Variants in CPA6 observed in about 807,000 individuals in gnomAD.
CPA6 encodes the protein carboxypeptidase A6.
In CPA6, 58 loss-of-function variants were observed where a neutral mutation model predicts 63.3. That is an observed-to-expected ratio of 0.92 (90% confidence interval 0.74 to 1.14). The LOEUF is 1.14. CPA6 is among the 50% of genes most tolerant of loss of function. CPA6 has a pLI of 0.00. For missense variants in CPA6, 565 were observed against 526.6 expected, an observed-to-expected ratio of 1.07 and a Z score of -0.71; for synonymous variants, 185 against 179.0, an observed-to-expected ratio of 1.03 and a Z score of -0.27.
chr8:67,688,067 G>A (rs1317219487), intron 1 of CPA6, among the ~76,000 whole-genome samples: 1 of 152,152 alleles, frequency 6.6e-6, no homozygotes, highest in Non-Finnish European at 1.5e-5. Flanking sequence ...AGCTACTTGA[G>A]AGCCTGAGGT....
At chr8:67,457,322 T>C (rs1810698494) in intron 8 of CPA6, among the ~76,000 whole-genome samples, 1 of 152,246 alleles carries the variant, frequency 6.6e-6, no homozygotes, top group Non-Finnish European at 1.5e-5. Context: ...AATTTATTAA[T>C]GTGATTCAGA....
At chr8:67,585,543 G>C (rs1813906915) in intron 2 of CPA6, among the ~76,000 whole-genome samples, 1 of 152,084 alleles carries the variant, frequency 6.6e-6, no homozygotes, top group Non-Finnish European at 1.5e-5. Flanking sequence ...ATAAGAAATT[G>C]AAGGCTTCTA....
chr8:67,669,033 G>T (rs1157123012), intron 1 of CPA6, among the ~76,000 whole-genome samples: 1 of 152,206 alleles, frequency 6.6e-6, no homozygotes, highest in Non-Finnish European at 1.5e-5. Flanking sequence ...TAGTCAGCTT[G>T]CATGTAGGAA....
chr8:67,682,502 C>A (rs1816619505), intron 1 of CPA6, among the ~76,000 whole-genome samples: 1 of 152,170 alleles, frequency 6.6e-6, no homozygotes, highest in African/African-American at 2.4e-5. Context: ...TCATTGGTGG[C>A]ATCTGTGAGA....
intron 8 of CPA6, among the ~76,000 whole-genome samples, chr8:67,480,532 T>C: frequency 6.6e-6 from 1 of 152,218 alleles, no homozygotes; most frequent in East Asian, 1.9e-4. Context: ...TAATATTCCA[T>C]TCTATAAATA....
At position 67,511,601 on chromosome 8, in the gene CPA6, G is replaced by A. The variant is rs1005535087; in HGVS notation, c.372C>T (p.Thr124=). 2 of 1,612,764 alleles carry A rather than the reference G, an allele frequency of 1.2e-6. No individual in the cohort carries two copies. Among genetic ancestry groups the A allele is most frequent in the Non-Finnish European group, 1.7e-6 (2 of 1,178,980 alleles). The change falls in exon 4 of 11, where the codon ACC becomes ACT. Residue 124 remains threonine (T), a synonymous_variant. Coordinates refer to ENST00000297770, the MANE Select transcript of CPA6 (RefSeq NM_020361.5). ...CAGAGAGGGATCTTCGGTTTCTCTGGGTGTGCAAGCTGCTTCCCTTCTCCA... is the reference window on the plus strand; with the variant it reads ...CAGAGAGGGATCTTCGGTTTCTCTGAGTGTGCAAGCTGCTTCCCTTCTCCA... ...KTLEKGSSLH[T]QRNRRSLSGY... is the part of the protein sequence containing the mutation.
At chr8:67,609,693 T>C (rs1814753893) in intron 2 of CPA6, among the ~76,000 whole-genome samples, 1 of 152,198 alleles carries the variant, frequency 6.6e-6, no homozygotes, top group Non-Finnish European at 1.5e-5. Context: ...AACAATTAGA[T>C]CTGTGATATG....
intron 3 of CPA6, among the ~76,000 whole-genome samples, 185 bp downstream of exon 3, chr8:67,517,738 G>A (rs985427459): frequency 1.1e-4 from 17 of 152,110 alleles, no homozygotes; most frequent in African/African-American, 3.1e-4. Context: ...GGTCCACATC[G>A]TTGCTCCCAT....
chr8:67,652,653 G>A (rs1196878485), intron 1 of CPA6, among the ~76,000 whole-genome samples: 2 of 149,816 alleles, frequency 1.3e-5, no homozygotes, highest in Non-Finnish European at 3.0e-5. Flanking sequence ...TTTGTCAGAT[G>A]AGTAGGTTGC....
At position 67,422,640 on chromosome 8, in the gene CPA6, T is replaced by A; in HGVS notation, c.1178A>T (p.Tyr393Phe). The A allele has an allele frequency of 6.2e-7, 1 of 1,614,010 alleles. No homozygotes were observed. Among genetic ancestry groups the A allele is most frequent in the South Asian group, 1.1e-5 (1 of 91,064 alleles). ...MDWAYKNGIP[Y>F]AFAFELRDTG... ...GTCACGTAGTTCGAAAGCAAATGCA[T>A]AAGGTATTCCATTTTTGTAGGCCCA... Residue 393 changes from tyrosine (Y) to phenylalanine (F), a missense_variant, in exon 11 of 11, where the codon TAT becomes TTT. Tyr to Phe is a conservative substitution (Grantham distance 22, BLOSUM62 3). Transcript: ENST00000297770.
chr8:67,429,307 T>C (rs1193328816), intron 9 of CPA6, among the ~76,000 whole-genome samples: 1 of 152,232 alleles, frequency 6.6e-6, no homozygotes, highest in Non-Finnish European at 1.5e-5. Context: ...ATAAAAACAC[T>C]GGTTTCAACA....
intron 2 of CPA6, among the ~76,000 whole-genome samples, chr8:67,544,633 A>G (rs1812774912): frequency 1.3e-5 from 2 of 152,206 alleles, no homozygotes; most frequent in Admixed American, 1.3e-4. Flanking sequence ...TTCTTGAGAC[A>G]TCATGCTGCT....
chr8:67,454,681 C>T (rs894395561), intron 8 of CPA6, among the ~76,000 whole-genome samples: 6 of 152,138 alleles, frequency 3.9e-5, no homozygotes, highest in South Asian at 2.1e-4. Context: ...AGAACAACTG[C>T]GGAATATATA....
At chr8:67,562,711 A>G (rs1813243892) in intron 2 of CPA6, among the ~76,000 whole-genome samples, 1 of 152,126 alleles carries the variant, frequency 6.6e-6, no homozygotes, top group Non-Finnish European at 1.5e-5. Context: ...CTCTCATATA[A>G]CTTCTTCCAT....
chr8:67,711,884 C>T (rs1817269604), intron 1 of CPA6, among the ~76,000 whole-genome samples: 1 of 152,152 alleles, frequency 6.6e-6, no homozygotes, highest in South Asian at 2.1e-4. Flanking sequence ...ACCCTGGTGG[C>T]ACTGTTGCCC....
At chr8:67,657,466 G>C (rs895421441) in intron 1 of CPA6, among the ~76,000 whole-genome samples, 2 of 152,130 alleles carry the variant, frequency 1.3e-5, no homozygotes, top group Non-Finnish European at 2.9e-5. Context: ...TTCTCTAAAA[G>C]ATGAGAAGTA....
intron 1 of CPA6, among the ~76,000 whole-genome samples, chr8:67,710,758 G>C (rs376172244): frequency 1.7e-4 from 26 of 151,476 alleles, no homozygotes; most frequent in South Asian, 8.4e-4. Context: ...TGTTGGGGGG[G>C]GCTTAGAATT....
At chr8:67,711,312 C>A (rs939978398) in intron 1 of CPA6, among the ~76,000 whole-genome samples, 7 of 152,316 alleles carry the variant, frequency 4.6e-5, no homozygotes, top group East Asian at 1.9e-4. Flanking sequence ...AAACAATAAA[C>A]CCTTAACAAA....
chr8:67,661,358 A>T lies in CPA6; in HGVS notation c.117-37107T>A, dbSNP rs545299571. The stretch of plus-strand genomic sequence containing the variant: ...GGTGGTAGAGTGGTACAGAGGCGGG[A>T]GGGAGGCAGGCCTGGAAGCCTGTTG... On this transcript the variant is annotated intron_variant, in intron 1 of 10. Coordinates refer to ENST00000297770, the MANE Select transcript of CPA6 (RefSeq NM_020361.5). Among the ~76,000 whole-genome samples the T allele has an allele frequency of 3.4e-3, 517 of 152,146 alleles. 2 individuals are homozygous for T. Among genetic ancestry groups the T allele is most frequent in the African/African-American group, 0.012 (494 of 41,510 alleles).
Sources: gnomAD v4.1 joint callset for allele counts (sites outside exome capture counted in the v4.1 genomes callset) on GRCh38, gnomAD v4.1.1 for gene constraint, MANE v1.5 for transcripts, NCBI Gene and HGNC (gene_info 2026-07-23, HGNC 2026-07-21) for gene names.